Variants in NCF4 observed in about 807,000 individuals in gnomAD.
NCF4 encodes the protein neutrophil cytosol factor 4.
Under a neutral mutation model 41.7 loss-of-function variants are expected in NCF4, and 30 were observed. The observed-to-expected ratio is 0.72, with a 90% CI of 0.54 to 0.97. The LOEUF (loss-of-function observed/expected upper bound fraction) is 0.97, where lower values mean the gene tolerates loss of function less well. Among genes scored for constraint, NCF4 ranks in the 50% least tolerant of loss-of-function variants. The pLI, the probability that NCF4 is intolerant of heterozygous loss-of-function variation, is 0.00. For missense variants in NCF4, 432 were observed against 460.9 expected, an observed-to-expected ratio of 0.94 and a Z score of 0.57; for synonymous variants, 195 against 175.8, an observed-to-expected ratio of 1.11 and a Z score of -0.87.
rs1055987082 is a variant in NCF4, at chr22:36,861,291, A to T, written c.32+88A>T. The stretch of plus-strand genomic sequence containing the variant: ...AAGGCCAGTCCTTCTGCAGTCCCTG[A>T]TCAACATGAGAGGCTGGGGTTGAGT... On this transcript the variant is annotated intron_variant, in intron 1 of 9. Transcript: ENST00000248899. 6 of 1,470,882 alleles carry T rather than the reference A, an allele frequency of 4.1e-6. No homozygotes were observed. In the African/African-American group the frequency reaches 7.0e-5, roughly 17 times the overall value. 91.1% of individuals were successfully genotyped at this position (1,470,882 alleles called of 1,614,324 possible).
At chr22:36,867,238 G>A (rs1048731573) in intron 3 of NCF4, among the ~76,000 whole-genome samples, 154 bp from the exon 4 acceptor site, 1 of 152,162 alleles carries the variant, frequency 6.6e-6, no homozygotes, top group African/African-American at 2.4e-5. Context: ...GATGGTGCCA[G>A]AGTGGCCACT....
At position 36,876,071 on chromosome 22, in the gene NCF4, G is replaced by C. The variant is rs777882570; in HGVS notation, c.801G>C (p.Leu267Phe). ...VEEDLSSTPL[L>F]KDLLELTRRE... The stretch of plus-strand genomic sequence containing the variant: ...AAGATCTCAGCAGCACTCCCCTATT[G>C]AAAGACCTGCTGGAGCTCACAAGGT... Residue 267 changes from leucine to phenylalanine, a missense_variant, in exon 9 of 10, where the codon TTG becomes TTC. Leu to Phe is a conservative substitution (Grantham distance 22). Transcript: ENST00000248899. The C allele has an allele frequency of 1.2e-6, 2 of 1,610,330 alleles. No individual in the cohort carries two copies.
intron 4 of NCF4, 159 bp from the exon 5 acceptor site, chr22:36,870,255 GT>G: frequency 9.5e-7 from 1 of 1,057,170 alleles, no homozygotes; most frequent in Non-Finnish European, 1.4e-6. Context: ...AGCATGCTGA[GT>G]TTTCTTATTC....
chr22:36,862,633 C>T (rs1049226565), intron 1 of NCF4, among the ~76,000 whole-genome samples: 7 of 152,186 alleles, frequency 4.6e-5, no homozygotes, highest in Admixed American at 2.6e-4. Context: ...TTTCATGAGG[C>T]CTTGAGCCAG....
intron 7 of NCF4, among the ~76,000 whole-genome samples, chr22:36,872,691 A>G (rs376683509): frequency 0.015 from 372 of 24,452 alleles, no homozygotes; most frequent in African/African-American, 0.026. Flanking sequence ...GATTGGAGGT[A>G]AGGTTGGAGG....
At chr22:36,864,700 C>G (rs1410388107) in intron 2 of NCF4, among the ~76,000 whole-genome samples, 1 of 149,962 alleles carries the variant, frequency 6.7e-6, no homozygotes, top group African/African-American at 2.5e-5. Context: ...CTCTCTTTTT[C>G]CAGTTTTTTT....
rs761060692 is a variant in NCF4, at chr22:36,876,037, C to T, written c.767C>T (p.Ala256Val). The part of the protein sequence containing the change: ...EDTISTIKDI[A>V]VEEDLSSTPL... ...GCCTGTCACCCCCTTAGGGACATCGCGGTGGAGGAAGATCTCAGCAGCACT... is the reference window on the plus strand; with the variant it reads ...GCCTGTCACCCCCTTAGGGACATCGTGGTGGAGGAAGATCTCAGCAGCACT... The change falls in exon 9 of 10, where the codon GCG (alanine) becomes GTG (valine). Residue 256 changes from alanine (A) to valine (V), a missense_variant. By Grantham distance (64) the Ala-to-Val change is moderately conservative. Coordinates refer to ENST00000248899, the MANE Select transcript of NCF4 (RefSeq NM_000631.5). 3.7e-6 allele frequency: 6 copies of T among 1,612,614 alleles called. No individual in the cohort carries two copies. The highest frequency in any genetic ancestry group is 2.2e-5 in the East Asian group (1 of 44,842).
intron 4 of NCF4, 57 bp from the exon 5 acceptor site, chr22:36,870,358 G>C (rs1015150286): frequency 1.2e-6 from 2 of 1,611,462 alleles, no homozygotes; most frequent in Non-Finnish European, 1.7e-6. Context: ...ATCTAGGCTG[G>C]GGTGTCCAGA....
chr22:36,862,215 C>T (rs1939790519), intron 1 of NCF4, among the ~76,000 whole-genome samples: 2 of 152,184 alleles, frequency 1.3e-5, no homozygotes, highest in African/African-American at 4.8e-5. Context: ...CAGGGGGTCA[C>T]CAGAGACAGG....
intron 4 of NCF4, 107 bp from the exon 5 acceptor site, chr22:36,870,308 T>C: frequency 2.7e-6 from 4 of 1,487,032 alleles, no homozygotes; most frequent in Non-Finnish European, 2.8e-6. Flanking sequence ...CATGCATTAG[T>C]AAAGAGAGGA....
chr22:36,861,706 G>T (rs145974544), intron 1 of NCF4, among the ~76,000 whole-genome samples: 1 of 152,206 alleles, frequency 6.6e-6, no homozygotes, highest in East Asian at 1.9e-4. Context: ...TTATATTACA[G>T]GAATAATATT....
chr22:36,867,499 G>C (rs767034129), intron 4 of NCF4, 37 bp downstream of exon 4: 1 of 1,609,088 alleles, frequency 6.2e-7, no homozygotes, highest in South Asian at 1.1e-5. Context: ...ACGTGGAAGG[G>C]CATGCAGTAT....
intron 1 of NCF4, 69 bp from the exon 2 acceptor site, chr22:36,863,976 T>C (rs1939851716): frequency 7.0e-7 from 1 of 1,437,028 alleles, no homozygotes; most frequent in Non-Finnish European, 9.8e-7. Flanking sequence ...GCACTCTACC[T>C]CATACCCGGT....
At position 36,876,009 on chromosome 22, in the gene NCF4, C is replaced by G; in HGVS notation, c.759-20C>G. 1 of 1,614,050 alleles carries G rather than the reference C, an allele frequency of 6.2e-7. No homozygotes were observed. The highest frequency in any genetic ancestry group is 8.5e-7 in the Non-Finnish European group (1 of 1,179,968). On this transcript the variant is annotated intron_variant, in intron 8 of 9. Coordinates refer to ENST00000248899, the MANE Select transcript of NCF4 (RefSeq NM_000631.5). ...ACTTCCAGCCTGATGCCTCCTTACT[C>G]CAGCCTGTCACCCCCTTAGGGACAT...
At chr22:36,872,081 T>G in intron 6 of NCF4, 1 of 704,860 alleles carries the variant, frequency 1.4e-6, no homozygotes, top group Non-Finnish European at 2.6e-6. Flanking sequence ...CCCAGAGAGT[T>G]CGAACCCTTC....
Position 36,877,675 on chromosome 22 carries a change from A to T in NCF4, c.872A>T (p.Glu291Val), listed in dbSNP as rs754480497. 2 of 1,614,122 alleles carry T rather than the reference A, an allele frequency of 1.2e-6. No homozygotes were observed. The highest frequency in any genetic ancestry group is 2.2e-5 in the South Asian group (2 of 91,074). ...ATAGCTCTGAATTACCGGGACGCTG[A>T]GGGGGATCTGGTTCGGCTGCTGTCG... Reference protein sequence around the residue: ...EDIALNYRDAEGDLVRLLSDE... With the variant: ...EDIALNYRDAVGDLVRLLSDE... Residue 291 changes from glutamate (E) to valine (V), a missense_variant, in exon 10 of 10, where the codon GAG (glutamate) becomes GTG (valine). Transcript: ENST00000248899.
intron 7 of NCF4, 90 bp downstream of exon 7, chr22:36,872,515 T>TTGGAGGTGAGGATGAAGGTGAGGG: frequency 9.6e-7 from 1 of 1,037,414 alleles, no homozygotes; most frequent in Non-Finnish European, 1.4e-6. Flanking sequence ...GGAAGTGCAA[T>TTGGAGGTGAGGATGAAGGTGAGGG]TGGAGGTGAG....
chr22:36,865,253 G>A lies in NCF4; in HGVS notation c.271+181G>A, dbSNP rs1036099710. On this transcript the variant is annotated intron_variant, in intron 3 of 9. Coordinates refer to ENST00000248899, the MANE Select transcript of NCF4 (RefSeq NM_000631.5). This position sits in a 1 kb window ranked among gnomAD's most constrained non-coding sequence, Gnocchi z 4.3. Reference sequence around the variant, plus strand: ...CCCTGCATGGCTCCCCCTGCCTCACGCCATGGCTTCCACCCCAAGCACTCT... The same window carrying A: ...CCCTGCATGGCTCCCCCTGCCTCACACCATGGCTTCCACCCCAAGCACTCT... Among the ~76,000 whole-genome samples the A allele has an allele frequency of 3.3e-5, 5 of 151,974 alleles. No homozygotes were observed. The highest frequency in any genetic ancestry group is 2.6e-4 in the Admixed American group (4 of 15,256).
intron 7 of NCF4, among the ~76,000 whole-genome samples, chr22:36,874,847 T>C (rs371675315): frequency 2.0e-5 from 3 of 151,994 alleles, no homozygotes; most frequent in South Asian, 2.1e-4. Context: ...AATGAGTGAG[T>C]GAGCGGGATC....
Sources: gnomAD v4.1 joint callset for allele counts (sites outside exome capture counted in the v4.1 genomes callset) on GRCh38, gnomAD v4.1.1 for gene constraint, Gnocchi (gnomAD v3.1) non-coding constraint, MANE v1.5 for transcripts, NCBI Gene and HGNC (gene_info 2026-07-23, HGNC 2026-07-21) for gene names.